MOB3B: variants seen among roughly 807,000 people sequenced by gnomAD.
MOB3B encodes the protein MOB kinase activator 3B.
In MOB3B, 7 loss-of-function variants were observed where a neutral mutation model predicts 18.7. The ratio of observed to expected loss-of-function variants is 0.37; its 90% CI spans 0.21 to 0.70. The LOEUF is 0.70. Ranked by LOEUF, MOB3B falls within the 30% of genes least tolerant of loss-of-function variation. The pLI is 0.52. For missense variants in MOB3B, 253 were observed against 281.3 expected, an observed-to-expected ratio of 0.90 and a Z score of 0.72; for synonymous variants, 111 against 99.9, an observed-to-expected ratio of 1.11 and a Z score of -0.66.
chr9:27,393,635 T>C (rs1821760400), intron 2 of MOB3B, among the ~76,000 whole-genome samples: 1 of 152,216 alleles, frequency 6.6e-6, no homozygotes, highest in South Asian at 2.1e-4. Context: ...AATAACTTCA[T>C]AGCTAACATT....
At position 27,522,267 on chromosome 9, in the gene MOB3B, GA is replaced by G. The variant is rs1305067186; in HGVS notation, c.-199+7287del. Among the ~76,000 whole-genome samples, 513 of 83,942 alleles carry G rather than the reference GA, an allele frequency of 6.1e-3. 9 individuals are homozygous for G. The highest frequency in any genetic ancestry group is 0.019 in the African/African-American group (460 of 24,182). 55.1% of individuals were successfully genotyped at this position (83,942 alleles called of 152,430 possible). A position where few individuals can be genotyped will look rare whatever the true frequency, so the allele number is the denominator to read the frequency against. On this transcript the variant is annotated intron_variant, in intron 1 of 3. Transcript: ENST00000262244. Reference sequence around the variant, plus strand: ...CAAAAAAAAAAAAAAAAAAAAAAAAGAAAAGAAAGAAAGAAAGAAAAAGAAA... The same window carrying G: ...CAAAAAAAAAAAAAAAAAAAAAAAAGAAAGAAAGAAAGAAAGAAAAAGAAA...
intron 1 of MOB3B, among the ~76,000 whole-genome samples, chr9:27,521,584 G>C (rs563315708): frequency 6.6e-6 from 1 of 152,290 alleles, no homozygotes; most frequent in South Asian, 2.1e-4. Flanking sequence ...GCAAAATGGG[G>C]AACAAGCAGT....
chr9:27,498,373 C>T (rs1215484801), intron 1 of MOB3B, among the ~76,000 whole-genome samples: 2 of 152,218 alleles, frequency 1.3e-5, no homozygotes, highest in East Asian at 1.9e-4. Flanking sequence ...ATGAGCTGTG[C>T]GAGACCTTTA....
chr9:27,529,791 C>A lies in MOB3B; in HGVS notation c.-435G>T, dbSNP rs1365995279. On this transcript the variant is annotated 5_prime_UTR_variant, in exon 1 of 4. Transcript: ENST00000262244. ...CAGCCCCCTCATGCACCCAGCGCGC[C>A]GCGCAGCCGGCCGGGGCTCGACTGT... 1.0e-6 allele frequency: 1 copy of A among 985,326 alleles called. No homozygotes were observed. The highest frequency in any genetic ancestry group is 1.2e-6 in the Non-Finnish European group (1 of 829,894). 61.0% of individuals were successfully genotyped at this position (985,326 alleles called of 1,614,324 possible). A position where few individuals can be genotyped will look rare whatever the true frequency, so the allele number is the denominator to read the frequency against.
At chr9:27,408,638 C>T (rs1822021310) in intron 2 of MOB3B, among the ~76,000 whole-genome samples, 1 of 152,126 alleles carries the variant, frequency 6.6e-6, no homozygotes, top group Non-Finnish European at 1.5e-5. Flanking sequence ...CACTGAGTGG[C>T]CCTCATGCTG....
At chr9:27,456,929 C>T (rs1819171662) in intron 1 of MOB3B, among the ~76,000 whole-genome samples, 1 of 152,184 alleles carries the variant, frequency 6.6e-6, no homozygotes, top group Admixed American at 6.5e-5. Flanking sequence ...CTGAAGTCTT[C>T]GATGCCCTCT....
intron 1 of MOB3B, among the ~76,000 whole-genome samples, chr9:27,467,900 GT>G (rs1193614006): frequency 6.6e-6 from 1 of 152,182 alleles, no homozygotes; most frequent in Non-Finnish European, 1.5e-5. Flanking sequence ...GTTGATTTTT[GT>G]TTTTGTTGTT....
intron 1 of MOB3B, among the ~76,000 whole-genome samples, chr9:27,519,696 G>A (rs191209010): frequency 3.7e-4 from 56 of 152,212 alleles, no homozygotes; most frequent in African/African-American, 1.3e-3. Context: ...CAAAGCTTTC[G>A]CTTGCCCTGA....
chr9:27,399,176 C>T (rs528554960), intron 2 of MOB3B, among the ~76,000 whole-genome samples: 56 of 152,266 alleles, frequency 3.7e-4, no homozygotes, highest in African/African-American at 1.3e-3. Flanking sequence ...CTTTCATAAA[C>T]TCAAGATGCA....
At chr9:27,412,418 T>C (rs1198194156) in intron 2 of MOB3B, among the ~76,000 whole-genome samples, 2 of 152,202 alleles carry the variant, frequency 1.3e-5, no homozygotes, top group Non-Finnish European at 2.9e-5. Flanking sequence ...AAAAGGATTG[T>C]TGTCACTCAA....
chr9:27,413,056 C>A (rs1475662178), intron 2 of MOB3B, among the ~76,000 whole-genome samples: 2 of 152,216 alleles, frequency 1.3e-5, no homozygotes, highest in Non-Finnish European at 2.9e-5. Flanking sequence ...ATAACATTAA[C>A]ATTCCTATCT....
intron 2 of MOB3B, among the ~76,000 whole-genome samples, chr9:27,453,802 G>C (rs1214235924): frequency 6.6e-6 from 1 of 152,012 alleles, no homozygotes; most frequent in East Asian, 1.9e-4. Context: ...TTCTGGAAAA[G>C]AAAAAATCCT....
intron 1 of MOB3B, among the ~76,000 whole-genome samples, chr9:27,474,846 C>T (rs545588810): frequency 2.6e-5 from 4 of 152,286 alleles, no homozygotes; most frequent in Non-Finnish European, 4.4e-5. Flanking sequence ...GCAAACCCAC[C>T]TTTAACAATC....
intron 2 of MOB3B, among the ~76,000 whole-genome samples, chr9:27,368,993 G>T (rs973553663): frequency 6.6e-6 from 1 of 152,166 alleles, no homozygotes; most frequent in Non-Finnish European, 1.5e-5. Context: ...AAGATAACCC[G>T]TGAAAGATAT....
rs1011368860 is a variant in MOB3B at position 27,326,124 on chromosome 9, T to C, written c.*4463A>G. ...AACCTATAAATGTAGAAAAAGCAGG[T>C]CTGGACTTAGCAAAGAAACAATATA... On this transcript the variant is annotated 3_prime_UTR_variant, in exon 4 of 4. Transcript: ENST00000262244. 3.3e-5 allele frequency: 7 copies of C among 210,280 alleles called. No individual in the cohort carries two copies. Among genetic ancestry groups the C allele is most frequent in the Admixed American group, 2.9e-4 (5 of 16,958 alleles). The allele number at this position is 210,280 out of a possible 1,614,324, so 13.0% of individuals were successfully genotyped here.
intron 1 of MOB3B, among the ~76,000 whole-genome samples, chr9:27,460,171 A>G (rs1819260189): frequency 6.6e-6 from 1 of 152,230 alleles, no homozygotes. Flanking sequence ...ATAAAGTTCA[A>G]TGCACCAACA....
At chr9:27,520,319 G>A (rs1362099744) in intron 1 of MOB3B, among the ~76,000 whole-genome samples, 1 of 152,138 alleles carries the variant, frequency 6.6e-6, no homozygotes, top group Non-Finnish European at 1.5e-5. Flanking sequence ...CTCCCTCTGA[G>A]GAAAGCCTGA....
intron 2 of MOB3B, among the ~76,000 whole-genome samples, chr9:27,414,674 C>A (rs1384465152): frequency 6.6e-6 from 1 of 152,130 alleles, no homozygotes; most frequent in Admixed American, 6.5e-5. Flanking sequence ...TGCCTCACTA[C>A]TTAAATCAGC....
intron 1 of MOB3B, among the ~76,000 whole-genome samples, chr9:27,495,410 G>A (rs865909055): frequency 6.6e-6 from 1 of 152,120 alleles, no homozygotes; most frequent in East Asian, 1.9e-4. Context: ...AGGAGGGACC[G>A]TGAGGCAGGG....
Sources: allele counts gnomAD v4.1 joint callset (sites outside exome capture counted in the v4.1 genomes callset), GRCh38; gene constraint gnomAD v4.1.1; transcripts MANE v1.5; gene names NCBI Gene and HGNC (gene_info 2026-07-23, HGNC 2026-07-21).